The following SAMD11 variants were observed in gnomAD, a reference collection of about 807,000 sequenced individuals.
SAMD11 encodes the protein sterile alpha motif domain-containing protein 11.
In SAMD11, 77 loss-of-function variants were observed where a neutral mutation model predicts 64.4. The observed-to-expected ratio is 1.20, with a 90% confidence interval of 0.99 to 1.44. The LOEUF is 1.44. Among genes scored for constraint, SAMD11 ranks in the 40% most tolerant of loss-of-function variants. The pLI is 0.00. For synonymous variants in SAMD11, 658 were observed against 421.9 expected, an observed-to-expected ratio of 1.56 and a Z score of -6.86; for missense variants, 1,402 against 943.3, an observed-to-expected ratio of 1.49 and a Z score of -6.37.
chr1:942,134 A>T lies in SAMD11; in HGVS notation c.1359-2A>T. 3 of 1,304,348 alleles carry T rather than the reference A, an allele frequency of 2.3e-6. No homozygotes were observed. The highest frequency in any genetic ancestry group is 2.1e-6 in the Non-Finnish European group (2 of 971,754). The allele number at this position is 1,304,348 out of a possible 1,614,324, so 80.8% of individuals were successfully genotyped here. A position where few individuals can be genotyped will look rare whatever the true frequency, so the allele number is the denominator to read the frequency against. ...CGCCGCTCATTGCGCTGCCGTCCAC[A>T]GGGAGCTGCCTCAGCCGCCCCCCTT... On this transcript the variant is annotated splice_acceptor_variant, in intron 8 of 13. Coordinates refer to ENST00000616016, the MANE Select transcript of SAMD11 (RefSeq NM_001385641.1). LOFTEE classifies it high-confidence loss of function.
rs757796286 is a variant in SAMD11, at chr1:943,718, C to A, written c.2199C>A (p.Ile733=). The change falls in exon 13 of 14, where the codon ATC becomes ATA. Residue 733 remains isoleucine, a synonymous_variant. Transcript: ENST00000616016. ...EYTRVFREQG[I]DGETLPLLTE... ...TCCAGGTCTTCAGGGAGCAGGGGAT[C>A]GACGGGGAGACCCTGCCACTGCTGA... 5.0e-6 allele frequency: 8 copies of A among 1,591,848 alleles called. No individual in the cohort carries two copies. The highest frequency in any genetic ancestry group is 1.3e-5 in the African/African-American group (1 of 74,382).
chr1:926,367 C>G (rs1207252076), intron 2 of SAMD11, among the ~76,000 whole-genome samples: 1 of 152,220 alleles, frequency 6.6e-6, no homozygotes, highest in African/African-American at 2.4e-5. Context: ...TGCCCTGTCA[C>G]CGCTTGGGGG....
intron 3 of SAMD11, among the ~76,000 whole-genome samples, chr1:930,613 C>T (rs1335228444): frequency 6.6e-6 from 1 of 152,248 alleles, no homozygotes; most frequent in African/African-American, 2.4e-5. Context: ...GGCCGACGCT[C>T]CAGCTACCCT....
At position 941,301 on chromosome 1, in the gene SAMD11, G is replaced by A. The variant is rs762098155; in HGVS notation, c.1353G>A (p.Ser451=). Residue 451 remains serine (S), a synonymous_variant, in exon 8 of 14, where the codon TCG becomes TCA. Coordinates refer to ENST00000616016, the MANE Select transcript of SAMD11 (RefSeq NM_001385641.1). The stretch of plus-strand genomic sequence containing the variant: ...CCCCAGCTGCCGCCCCGTCCTTCTC[G>A]GAGAGGTACTGGGGTGGCTGCCGTT... The part of the protein sequence containing the change: ...GAAPAAAPSF[S]ERELPQPPPL... The A allele has an allele frequency of 9.5e-6, 15 of 1,584,776 alleles. No individual in the cohort carries two copies. The highest frequency in any genetic ancestry group is 1.3e-5 in the African/African-American group (1 of 74,402).
Position 944,229 on chromosome 1 carries a change from G to A in SAMD11, c.*76G>A, listed in dbSNP as rs924281888. 57 of 1,458,456 alleles carry A rather than the reference G, an allele frequency of 3.9e-5. No homozygotes were observed. In the East Asian group the frequency reaches 4.7e-4, roughly 12 times the overall value. 90.3% of individuals were successfully genotyped at this position (1,458,456 alleles called of 1,614,324 possible). A position where few individuals can be genotyped will look rare whatever the true frequency, so the allele number is the denominator to read the frequency against. ...CAACACAATGGCCCTGCCTCCCACCGCTTTATTTCTTTCGGTTTCGGATGC... is the reference window on the plus strand; with the variant it reads ...CAACACAATGGCCCTGCCTCCCACCACTTTATTTCTTTCGGTTTCGGATGC... On this transcript the variant is annotated 3_prime_UTR_variant, in exon 14 of 14. Transcript: ENST00000616016.
chr1:926,073 C>CG, intron 2 of SAMD11, 60 bp downstream of exon 2: 2 of 1,526,116 alleles, frequency 1.3e-6, no homozygotes, highest in Non-Finnish European at 1.8e-6. Flanking sequence ...CTTGTCCCTG[C>CG]GGTTTTCAGG....
At chr1:940,172 G>A (rs949164366) in intron 7 of SAMD11, among the ~76,000 whole-genome samples, 14 of 152,114 alleles carry the variant, frequency 9.2e-5, no homozygotes, top group Non-Finnish European at 2.1e-4. Context: ...TTCACCAAAT[G>A]TTAATAATGT....
intron 2 of SAMD11, among the ~76,000 whole-genome samples, chr1:928,998 G>A (rs988471320): frequency 1.3e-5 from 2 of 152,210 alleles, no homozygotes; most frequent in African/African-American, 4.8e-5. Flanking sequence ...ACGGAGGAGG[G>A]AGTGAGTTAG....
intron 8 of SAMD11, among the ~76,000 whole-genome samples, chr1:941,541 A>T (rs1344975452): frequency 6.6e-6 from 1 of 151,878 alleles, no homozygotes; most frequent in East Asian, 1.9e-4. Context: ...GAAGCCAGAG[A>T]AGGGGAGAGC....
chr1:941,005 G>A (rs890910360), intron 7 of SAMD11, 139 bp from the exon 8 acceptor site: 8 of 684,342 alleles, frequency 1.2e-5, no homozygotes, highest in Non-Finnish European at 1.9e-5. Flanking sequence ...CTCCTGCCCC[G>A]TGCCCGAGAC....
At position 927,472 on chromosome 1, in the gene SAMD11, C is replaced by G. The variant is rs1460567103; in HGVS notation, c.609+1459C>G. ...CCCACCTGGGGCTCCCAGGTCCCTG[C>G]CCTGCGTGAGGGACGGCTCAGATCC... On this transcript the variant is annotated intron_variant, in intron 2 of 13. Transcript: ENST00000616016. Among the ~76,000 whole-genome samples the G allele has an allele frequency of 2.0e-5, 3 of 152,184 alleles. No individual in the cohort carries two copies. The East Asian group carries it at 5.8e-4, about 29-fold the overall frequency.
chr1:941,839 C>T (rs1185968888), intron 8 of SAMD11, among the ~76,000 whole-genome samples: 1 of 152,098 alleles, frequency 6.6e-6, no homozygotes, highest in African/African-American at 2.4e-5. Context: ...GCTAATGACG[C>T]CCCCGCTTCC....
At chr1:942,085 T>G in intron 8 of SAMD11, 51 bp from the exon 9 acceptor site, 1 of 551,872 alleles carries the variant, frequency 1.8e-6, no homozygotes, top group Non-Finnish European at 3.0e-6. Context: ...GCCGGGGCCT[T>G]TACGGGAACG....
chr1:928,109 G>T (rs550743999), intron 2 of SAMD11, among the ~76,000 whole-genome samples: 1 of 152,204 alleles, frequency 6.6e-6, no homozygotes, highest in East Asian at 1.9e-4. Flanking sequence ...AAGGGAGGTG[G>T]GAGGCCGGGT....
intron 11 of SAMD11, 26 bp downstream of exon 11, chr1:943,084 T>C (rs367641398): frequency 1.9e-6 from 3 of 1,548,292 alleles, no homozygotes; most frequent in African/African-American, 2.7e-5. Flanking sequence ...CTCTAGATCC[T>C]TCCAGAGGGC....
chr1:941,117 G>T (rs924099855), intron 7 of SAMD11, 27 bp from the exon 8 acceptor site: 1 of 1,571,432 alleles, frequency 6.4e-7, no homozygotes, highest in Non-Finnish European at 8.6e-7. Flanking sequence ...ATAGCCGGGG[G>T]GATCACTGCT....
At chr1:935,054 G>A (rs1458684727) in intron 4 of SAMD11, among the ~76,000 whole-genome samples, 4 of 152,130 alleles carry the variant, frequency 2.6e-5, no homozygotes, top group African/African-American at 9.7e-5. Flanking sequence ...CCGGGAAGGG[G>A]TGGAGGGCCG....
chr1:929,297 C>T (rs1641056110), intron 2 of SAMD11, among the ~76,000 whole-genome samples: 1 of 152,190 alleles, frequency 6.6e-6, no homozygotes, highest in Non-Finnish European at 1.5e-5. Context: ...ACCCACAGCT[C>T]CACACGCTCG....
At position 931,282 on chromosome 1, in the gene SAMD11, C is replaced by G. The variant is rs144909854; in HGVS notation, c.842+193C>G. On this transcript the variant is annotated intron_variant, in intron 4 of 13. Transcript: ENST00000616016. ...TCCCGGGAGGCAGACAGTGTTGCACCCAGTTGGGACTGAGGGACCCCAGAC... is the reference window on the plus strand; with the variant it reads ...TCCCGGGAGGCAGACAGTGTTGCACGCAGTTGGGACTGAGGGACCCCAGAC... Among the ~76,000 whole-genome samples the G allele has an allele frequency of 2.6e-5, 4 of 152,288 alleles. No homozygotes were observed. In the East Asian group the frequency reaches 7.7e-4, roughly 29 times the overall value.
Sources: allele counts gnomAD v4.1 joint callset (sites outside exome capture counted in the v4.1 genomes callset), GRCh38; gene constraint gnomAD v4.1.1; transcripts MANE v1.5; gene names NCBI Gene and HGNC (gene_info 2026-07-23, HGNC 2026-07-21).